EPHA7: variants seen among roughly 807,000 people sequenced by gnomAD.
The protein encoded by EPHA7 is EPH receptor A7, also known as ephrin type-A receptor 7.
In EPHA7, 25 loss-of-function variants were observed where a neutral mutation model predicts 112.6. That is an observed-to-expected ratio of 0.22 (90% confidence interval 0.16 to 0.31). EPHA7 has a LOEUF of 0.31. Ranked by LOEUF, EPHA7 falls within the 10% of genes least tolerant of loss-of-function variation. EPHA7 has a pLI of 1.00. For missense variants in EPHA7, 962 were observed against 1,212.6 expected (o/e 0.79, Z 3.07); for synonymous variants, 437 against 406.5 (o/e 1.07, Z -0.90).
chr6:93,382,182 T>C (rs534646824), intron 3 of EPHA7, among the ~76,000 whole-genome samples: 1 of 152,282 alleles, frequency 6.6e-6, no homozygotes, highest in Non-Finnish European at 1.5e-5. Context: ...ACCCTTTTGG[T>C]ACCAGGGACT....
chr6:93,315,025 G>A (rs1040536684), intron 5 of EPHA7, among the ~76,000 whole-genome samples: 3 of 149,674 alleles, frequency 2.0e-5, no homozygotes, highest in Non-Finnish European at 3.0e-5. Context: ...ACCACGCCCG[G>A]CTAATTTTTT....
At chr6:93,355,360 A>G (rs1775894429) in intron 5 of EPHA7, among the ~76,000 whole-genome samples, 1 of 152,158 alleles carries the variant, frequency 6.6e-6, no homozygotes, top group African/African-American at 2.4e-5. Context: ...GATCATATAC[A>G]TAGTTTTCAT....
At chr6:93,327,748 A>ACC (rs777066617) in intron 5 of EPHA7, among the ~76,000 whole-genome samples, 1 of 151,322 alleles carries the variant, frequency 6.6e-6, no homozygotes, top group African/African-American at 2.4e-5. Flanking sequence ...CATTGCTACC[A>ACC]CCCTAGTGAA....
At chr6:93,368,592 A>T (rs1170400610) in intron 3 of EPHA7, among the ~76,000 whole-genome samples, 3 of 152,062 alleles carry the variant, frequency 2.0e-5, no homozygotes, top group Non-Finnish European at 4.4e-5. Context: ...TCAATAATTA[A>T]TTTTTCTCCC....
intron 5 of EPHA7, among the ~76,000 whole-genome samples, chr6:93,294,455 G>T (rs1340874068): frequency 6.6e-6 from 1 of 152,076 alleles, no homozygotes; most frequent in African/African-American, 2.4e-5. Flanking sequence ...TAAACCTGAA[G>T]ATGAATATTT....
chr6:93,257,841 G>C (rs112546959), intron 11 of EPHA7, among the ~76,000 whole-genome samples: 5,286 of 152,054 alleles, frequency 0.035, 315 homozygotes, highest in African/African-American at 0.12. Flanking sequence ...GTCTCTTGAA[G>C]AGAAATAAAA....
chr6:93,315,154 G>A lies in EPHA7; in HGVS notation c.1324+41563C>T, dbSNP rs561176910. Among the ~76,000 whole-genome samples the A allele has an allele frequency of 4.1e-4, 62 of 150,488 alleles. 1 individual carries two copies. Among genetic ancestry groups the A allele is most frequent in the African/African-American group, 7.7e-4 (31 of 40,048 alleles). ...TGGGATTACAGGCGTGAGCCACCGCGCCTGGCCGACAATATAATTTTCTTA... is the reference window on the plus strand; with the variant it reads ...TGGGATTACAGGCGTGAGCCACCGCACCTGGCCGACAATATAATTTTCTTA... On this transcript the variant is annotated intron_variant, in intron 5 of 16. Transcript: ENST00000369303.
At chr6:93,284,887 C>T (rs763716965) in intron 5 of EPHA7, among the ~76,000 whole-genome samples, 10 of 151,936 alleles carry the variant, frequency 6.6e-5, no homozygotes, top group South Asian at 2.1e-4. Flanking sequence ...AGGAGAAATA[C>T]GTAATGTAGA....
intron 5 of EPHA7, among the ~76,000 whole-genome samples, chr6:93,274,311 G>A (rs1406742315): frequency 1.3e-5 from 2 of 151,782 alleles, no homozygotes; most frequent in African/African-American, 4.8e-5. Flanking sequence ...TCAGGTTATG[G>A]AAAAGATTTG....
chr6:93,289,639 TA>T (rs199857647), intron 5 of EPHA7, among the ~76,000 whole-genome samples: 8 of 151,862 alleles, frequency 5.3e-5, no homozygotes, highest in Non-Finnish European at 7.4e-5. Flanking sequence ...AATAAAAAAA[TA>T]AAAAAATAAG....
intron 3 of EPHA7, among the ~76,000 whole-genome samples, chr6:93,370,143 C>T (rs574018248): frequency 3.9e-4 from 59 of 152,204 alleles, no homozygotes; most frequent in Admixed American, 2.0e-3. Context: ...ATTTTAGGAG[C>T]ATATAATTGA....
rs114518616 is a variant in EPHA7 at position 93,415,819 on chromosome 6, C to T, written c.98-1052G>A. ...AATGTTAAAATTTTTACTTAAAATACATGCTTATATGAACTTTTAATAATT... is the reference window on the plus strand; with the variant it reads ...AATGTTAAAATTTTTACTTAAAATATATGCTTATATGAACTTTTAATAATT... On this transcript the variant is annotated intron_variant, in intron 1 of 16. Transcript: ENST00000369303. Among the ~76,000 whole-genome samples, 782 of 152,156 alleles carry T rather than the reference C, an allele frequency of 5.1e-3. 4 individuals carry two copies. The highest frequency in any genetic ancestry group is 0.018 in the African/African-American group (742 of 41,522).
chr6:93,339,157 G>A (rs1775021438), intron 5 of EPHA7, among the ~76,000 whole-genome samples: 1 of 151,534 alleles, frequency 6.6e-6, no homozygotes, highest in Non-Finnish European at 1.5e-5. Flanking sequence ...TTGGGAGATA[G>A]TGTCTTCAGA....
chr6:93,330,540 T>C (rs1562100925), intron 5 of EPHA7, among the ~76,000 whole-genome samples: 1 of 151,338 alleles, frequency 6.6e-6, no homozygotes, highest in Non-Finnish European at 1.5e-5. Context: ...GTAGTATTTG[T>C]ATTTCTGTAC....
chr6:93,349,026 G>C (rs954408906), intron 5 of EPHA7, among the ~76,000 whole-genome samples: 14 of 151,812 alleles, frequency 9.2e-5, no homozygotes, highest in African/African-American at 1.2e-4. Flanking sequence ...GATAAATTCG[G>C]AATGTGAAGA....
intron 5 of EPHA7, among the ~76,000 whole-genome samples, chr6:93,282,235 G>A (rs383156): frequency 1 from 152,186 of 152,350 alleles, 76,011 homozygotes; most frequent in Middle Eastern, 1. Context: ...TAAGGCAGAT[G>A]TTACACATTC....
At chr6:93,324,920 C>A (rs1774241432) in intron 5 of EPHA7, among the ~76,000 whole-genome samples, 1 of 151,264 alleles carries the variant, frequency 6.6e-6, no homozygotes, top group Admixed American at 6.6e-5. Context: ...TATGTGCAAG[C>A]CTTTTATTGA....
At chr6:93,308,854 G>T (rs1773389027) in intron 5 of EPHA7, among the ~76,000 whole-genome samples, 1 of 151,788 alleles carries the variant, frequency 6.6e-6, no homozygotes, top group African/African-American at 2.4e-5. Flanking sequence ...CTGCACATAG[G>T]TGTTAAGCTA....
At chr6:93,282,774 G>A (rs191834271) in intron 5 of EPHA7, among the ~76,000 whole-genome samples, 148 of 152,302 alleles carry the variant, frequency 9.7e-4, no homozygotes, top group African/African-American at 3.4e-3. Flanking sequence ...AGCAGTGAGG[G>A]GCTTAGCACC....
Sources: gnomAD v4.1 joint callset for allele counts (sites outside exome capture counted in the v4.1 genomes callset) on GRCh38, gnomAD v4.1.1 for gene constraint, MANE v1.5 for transcripts, NCBI Gene and HGNC (gene_info 2026-07-23, HGNC 2026-07-21) for gene names.